NUCKS1: variants seen among roughly 807,000 people sequenced by gnomAD.
NUCKS1 encodes nuclear casein kinase and cyclin dependent kinase substrate 1.
In NUCKS1, 2 loss-of-function variants were observed where a neutral mutation model predicts 33.0. The ratio of observed to expected loss-of-function variants is 0.06; its 90% CI spans 0.02 to 0.19. NUCKS1 has a LOEUF of 0.19. NUCKS1 is among the 10% of genes least tolerant of loss of function. NUCKS1 has a pLI of 1.00. For synonymous variants in NUCKS1, 106 were observed against 102.8 expected, an observed-to-expected ratio of 1.03 and a Z score of -0.19; for missense variants, 201 against 293.6, an observed-to-expected ratio of 0.68 and a Z score of 2.31.
intron 1 of NUCKS1, among the ~76,000 whole-genome samples, chr1:205,736,696 T>TG (rs1654042856): frequency 6.6e-6 from 1 of 151,966 alleles, no homozygotes; most frequent in South Asian, 2.1e-4. Context: ...CCCGGCGTGG[T>TG]TGTAGGCGCC....
intron 5 of NUCKS1, among the ~76,000 whole-genome samples, 163 bp downstream of exon 5, chr1:205,720,338 A>T (rs1484443763): frequency 6.6e-6 from 1 of 152,264 alleles, no homozygotes; most frequent in African/African-American, 2.4e-5. Context: ...ACCTTTAAAA[A>T]TATTAACAGG....
At chr1:205,747,597 C>T (rs1654363406) in intron 1 of NUCKS1, among the ~76,000 whole-genome samples, 3 of 152,102 alleles carry the variant, frequency 2.0e-5, no homozygotes, top group Non-Finnish European at 4.4e-5. Flanking sequence ...ATTTATGGTA[C>T]AATGAGAACC....
rs1260071022 is a variant in NUCKS1, at chr1:205,716,366, C to G, written c.*1914G>C. ...GGTGGAAACACTGATAGGTCTTTTA[C>G]TATATGAACACAAACTTCTTTGTTA... On this transcript the variant is annotated 3_prime_UTR_variant, in exon 7 of 7. Coordinates refer to ENST00000367142, the MANE Select transcript of NUCKS1 (RefSeq NM_022731.5). The G allele has an allele frequency of 5.3e-5, 8 of 152,140 alleles. No homozygotes were observed. The highest frequency in any genetic ancestry group is 1.2e-4 in the Non-Finnish European group (8 of 68,024). 9.4% of individuals were successfully genotyped at this position (152,140 alleles called of 1,614,324 possible). A position where few individuals can be genotyped will look rare whatever the true frequency, so the allele number is the denominator to read the frequency against.
chr1:205,746,453 T>A (rs10900523), intron 1 of NUCKS1, among the ~76,000 whole-genome samples: 83,428 of 123,716 alleles, frequency 0.67, 25,376 homozygotes, highest in Non-Finnish European at 0.76. Context: ...TCTCTCTCTC[T>A]CACACACACA....
At chr1:205,745,817 G>T (rs1654306595) in intron 1 of NUCKS1, among the ~76,000 whole-genome samples, 1 of 152,120 alleles carries the variant, frequency 6.6e-6, no homozygotes, top group South Asian at 2.1e-4. Flanking sequence ...AAAAATACTT[G>T]TTACAGGGTT....
intron 1 of NUCKS1, among the ~76,000 whole-genome samples, chr1:205,729,920 C>G (rs1469386836): frequency 1.3e-5 from 2 of 151,170 alleles, no homozygotes; most frequent in Non-Finnish European, 2.9e-5. Flanking sequence ...ACTTGGGAAG[C>G]TGAGGTAGGA....
intron 1 of NUCKS1, among the ~76,000 whole-genome samples, chr1:205,749,724 G>C (rs552440528): frequency 4.1e-4 from 62 of 151,738 alleles, no homozygotes; most frequent in African/African-American, 1.3e-3. Flanking sequence ...CAGCTGAGCA[G>C]ACCGGAGCCC....
In NUCKS1 at chr1:205,720,479, TAC is replaced by T. The variant is rs779229824; in HGVS notation, c.382+20_382+21del. ...TACAATTATGACCAAACAACCAAAG[TAC>T]ACAAAACAACTTCACATACTCTCCT... On this transcript the variant is annotated intron_variant, in intron 5 of 6. Transcript: ENST00000367142. 2 of 1,600,114 alleles carry T rather than the reference TAC, an allele frequency of 1.2e-6. No individual in the cohort carries two copies. Among genetic ancestry groups the T allele is most frequent in the South Asian group, 2.3e-5 (2 of 88,372 alleles).
intron 1 of NUCKS1, among the ~76,000 whole-genome samples, chr1:205,738,569 T>C (rs1230541545): frequency 6.6e-6 from 1 of 151,598 alleles, no homozygotes; most frequent in East Asian, 1.9e-4. Context: ...TACTTAAAAA[T>C]TTGAGACAGG....
chr1:205,721,676 C>CA (rs1671920083), intron 4 of NUCKS1, among the ~76,000 whole-genome samples: 1 of 143,546 alleles, frequency 7.0e-6, no homozygotes, highest in East Asian at 2.0e-4. Context: ...TGTGGAAAAC[C>CA]TTTTTTTTTT....
chr1:205,725,356 A>C (rs891820594), intron 3 of NUCKS1, among the ~76,000 whole-genome samples: 5 of 152,228 alleles, frequency 3.3e-5, no homozygotes, highest in African/African-American at 1.2e-4. Flanking sequence ...CTTATAAATC[A>C]CTTTTGGTAT....
chr1:205,718,227 CTTTTTTTTTCTTTTTTT>C lies in NUCKS1; in HGVS notation c.*36_*52del. ...TTCTTTTTTTTCCTCCCTCTTTTTT[CTTTTTTTTTCTTTTTTT>C]TTTTAATAAAATCTCTCCCCAGACC... On this transcript the variant is annotated 3_prime_UTR_variant, in exon 7 of 7. Coordinates refer to ENST00000367142, the MANE Select transcript of NUCKS1 (RefSeq NM_022731.5). 3 of 861,744 alleles carry C rather than the reference CTTTTTTTTTCTTTTTTT, an allele frequency of 3.5e-6. No homozygotes were observed. Among genetic ancestry groups the C allele is most frequent in the Middle Eastern group, 3.9e-4 (1 of 2,560 alleles). 53.4% of individuals were successfully genotyped at this position (861,744 alleles called of 1,614,324 possible).
chr1:205,728,968 G>A (rs1653843346), intron 2 of NUCKS1, among the ~76,000 whole-genome samples: 2 of 151,816 alleles, frequency 1.3e-5, no homozygotes, highest in African/African-American at 4.8e-5. Flanking sequence ...GCGCCTGGCT[G>A]TAGTGGATTT....
intron 1 of NUCKS1, among the ~76,000 whole-genome samples, chr1:205,740,589 G>A (rs536131531): frequency 2.0e-5 from 3 of 152,022 alleles, no homozygotes; most frequent in South Asian, 4.1e-4. Flanking sequence ...TAGCCTGAGC[G>A]ACAGATTGAG....
chr1:205,747,747 T>G (rs1218763508), intron 1 of NUCKS1, among the ~76,000 whole-genome samples: 1 of 152,216 alleles, frequency 6.6e-6, no homozygotes, highest in Non-Finnish European at 1.5e-5. Context: ...GTCTATCACT[T>G]TTTTCGTTGA....
chr1:205,735,563 C>T (rs1349064676), intron 1 of NUCKS1, among the ~76,000 whole-genome samples: 2 of 152,158 alleles, frequency 1.3e-5, no homozygotes, highest in African/African-American at 4.8e-5. Flanking sequence ...GTTAAAAACA[C>T]AGATTCTTGA....
intron 1 of NUCKS1, among the ~76,000 whole-genome samples, chr1:205,748,266 A>G (rs1037025504): frequency 6.6e-6 from 1 of 152,236 alleles, no homozygotes; most frequent in African/African-American, 2.4e-5. Flanking sequence ...GAACGTCACC[A>G]CAATAAAATA....
chr1:205,745,154 G>T (rs1207308655), intron 1 of NUCKS1, among the ~76,000 whole-genome samples: 3 of 152,192 alleles, frequency 2.0e-5, no homozygotes, highest in Admixed American at 2.0e-4. Flanking sequence ...AAAGGAGAAT[G>T]ACTAAGATTT....
At chr1:205,739,997 G>GTTTTTTTTTTTTTTTTTTT (rs60866378) in intron 1 of NUCKS1, among the ~76,000 whole-genome samples, 1 of 81,764 alleles carries the variant, frequency 1.2e-5, no homozygotes, top group Non-Finnish European at 2.2e-5. Context: ...TTTACTTTAG[G>GTTTTTTTTTTTTTTTTTTT]TTTTTTTTTT....
Sources: allele counts gnomAD v4.1 joint callset (sites outside exome capture counted in the v4.1 genomes callset), GRCh38; gene constraint gnomAD v4.1.1; transcripts MANE v1.5; gene names NCBI Gene and HGNC (gene_info 2026-07-23, HGNC 2026-07-21).